MCC: variants seen among roughly 807,000 people sequenced by gnomAD.
MCC encodes MCC regulator of Wnt signaling pathway.
Under a neutral mutation model 116.2 loss-of-function variants are expected in MCC, and 90 were observed. The observed-to-expected ratio is 0.77, with a 90% CI of 0.65 to 0.92. The LOEUF is 0.92. Among genes scored for constraint, MCC ranks in the 40% least tolerant of loss-of-function variants. MCC has a pLI of 0.00. For synonymous variants in MCC, 578 were observed against 510.5 expected (o/e 1.13, Z -1.78); for missense variants, 1,516 against 1,312.2 (o/e 1.16, Z -2.40).
In MCC at chr5:113,399,252, G is replaced by A. The variant is rs186930475; in HGVS notation, c.171-14040C>T. On this transcript the variant is annotated intron_variant, in intron 1 of 18. Coordinates refer to ENST00000408903, the MANE Select transcript of MCC (RefSeq NM_001085377.2). ...TGTAATCCCAGCACTTTGGGAGGCC[G>A]AGGCAGGCGGATCACGAGATCAGGA... is the stretch of plus-strand genomic sequence containing the variant. 5.3e-5 allele frequency among the ~76,000 whole-genome samples: 8 copies of A among 152,316 alleles called. No individual in the cohort carries two copies. The East Asian group carries it at 1.4e-3, about 26-fold the overall frequency.
Position 113,104,185 on chromosome 5 carries a change from G to C in MCC, c.1191+7C>G, listed in dbSNP as rs779482320. 1.2e-6 allele frequency: 2 copies of C among 1,603,228 alleles called. No homozygotes were observed. The highest frequency in any genetic ancestry group is 2.2e-5 in the South Asian group (2 of 89,820). On this transcript the variant is annotated splice_region_variant and intron_variant, in intron 7 of 18. Transcript: ENST00000408903. ...AAAGGGCCTCACAGAGGGTGAGGAAGGTCTACCTTAATAGCCAGGTCACAG... is the reference window on the plus strand; with the variant it reads ...AAAGGGCCTCACAGAGGGTGAGGAACGTCTACCTTAATAGCCAGGTCACAG...
intron 17 of MCC, among the ~76,000 whole-genome samples, chr5:113,030,283 C>G (rs1476762329): frequency 1.3e-5 from 2 of 152,150 alleles, no homozygotes; most frequent in Admixed American, 6.5e-5. Flanking sequence ...TTCACTTAGG[C>G]ATTGGTTACA....
intron 9 of MCC, 82 bp from the exon 10 acceptor site, chr5:113,084,272 ACTTTT>A: frequency 9.4e-7 from 1 of 1,063,846 alleles, no homozygotes; most frequent in Non-Finnish European, 1.4e-6. Context: ...ATACAGGGCT[ACTTTT>A]TAGCCATGTC....
At chr5:113,393,485 C>T (rs538599030) in intron 1 of MCC, among the ~76,000 whole-genome samples, 46 of 152,082 alleles carry the variant, frequency 3.0e-4, no homozygotes, top group Admixed American at 7.2e-4. Flanking sequence ...TTTTGTTCAT[C>T]CTTACAGACT....
At chr5:113,077,413 A>C (rs539428135) in intron 11 of MCC, among the ~76,000 whole-genome samples, 4 of 152,284 alleles carry the variant, frequency 2.6e-5, no homozygotes, top group African/African-American at 9.6e-5. Context: ...GAAGGAAAGC[A>C]CTCCTCAGCA....
chr5:113,059,494 G>C (rs1209057531), intron 14 of MCC, among the ~76,000 whole-genome samples: 2 of 152,208 alleles, frequency 1.3e-5, no homozygotes, highest in Non-Finnish European at 2.9e-5. Context: ...AATTCTCCCA[G>C]CTTGGAATGC....
intron 3 of MCC, among the ~76,000 whole-genome samples, chr5:113,169,844 G>C (rs888140617): frequency 2.0e-5 from 3 of 152,174 alleles, no homozygotes; most frequent in Non-Finnish European, 2.9e-5. Flanking sequence ...TTTAATAGTA[G>C]CTATTCAGGC....
At chr5:113,116,130 G>A (rs1195529667) in intron 6 of MCC, among the ~76,000 whole-genome samples, 1 of 152,146 alleles carries the variant, frequency 6.6e-6, no homozygotes, top group African/African-American at 2.4e-5. Flanking sequence ...TAGATAGGCT[G>A]TCTCCTGCCC....
intron 5 of MCC, among the ~76,000 whole-genome samples, chr5:113,132,970 G>A (rs1485567249): frequency 6.6e-6 from 1 of 152,084 alleles, no homozygotes; most frequent in Non-Finnish European, 1.5e-5. Context: ...AACTAGCAGA[G>A]CTCAAAGTTG....
intron 5 of MCC, among the ~76,000 whole-genome samples, chr5:113,139,064 T>C (rs1759021880): frequency 6.6e-6 from 1 of 152,256 alleles, no homozygotes; most frequent in South Asian, 2.1e-4. Context: ...TCTAGAGATC[T>C]CAAGCTTAGC....
At chr5:113,117,204 G>A (rs986911795) in intron 6 of MCC, among the ~76,000 whole-genome samples, 2 of 152,196 alleles carry the variant, frequency 1.3e-5, no homozygotes, top group Non-Finnish European at 2.9e-5. Flanking sequence ...CTCACTCTGA[G>A]TGGCTGCTTG....
intron 6 of MCC, among the ~76,000 whole-genome samples, chr5:113,114,408 T>C (rs1480336159): frequency 1.3e-5 from 2 of 152,172 alleles, no homozygotes; most frequent in African/African-American, 4.8e-5. Context: ...GATCACCAAG[T>C]ACACAGGCAC....
chr5:113,299,103 A>T (rs1766785445), intron 3 of MCC, among the ~76,000 whole-genome samples: 2 of 151,894 alleles, frequency 1.3e-5, no homozygotes, highest in Admixed American at 1.3e-4. Flanking sequence ...CCTGACCAAC[A>T]TGGTGAAACC....
chr5:113,331,315 T>G (rs1167593707), intron 3 of MCC, among the ~76,000 whole-genome samples: 1 of 151,460 alleles, frequency 6.6e-6, no homozygotes, highest in African/African-American at 2.4e-5. Context: ...AGCAGAAGAG[T>G]GACTCAGCGT....
intron 3 of MCC, among the ~76,000 whole-genome samples, chr5:113,170,011 C>T (rs1020686489): frequency 1.3e-5 from 2 of 152,116 alleles, no homozygotes; most frequent in African/African-American, 2.4e-5. Flanking sequence ...TACATGATAC[C>T]TCAGCTACAG....
At chr5:113,125,660 G>A (rs1206367675) in intron 5 of MCC, among the ~76,000 whole-genome samples, 1 of 152,136 alleles carries the variant, frequency 6.6e-6, no homozygotes, top group Non-Finnish European at 1.5e-5. Context: ...TGCATCAGGA[G>A]TATTGTTCCA....
At chr5:113,051,422 CA>C (rs1400376474) in intron 15 of MCC, among the ~76,000 whole-genome samples, 1 of 152,206 alleles carries the variant, frequency 6.6e-6, no homozygotes, top group African/African-American at 2.4e-5. Context: ...ATAAGATGTT[CA>C]AAAAGGAAGA....
intron 3 of MCC, among the ~76,000 whole-genome samples, chr5:113,327,662 C>T (rs1399819466): frequency 1.3e-5 from 2 of 148,304 alleles, no homozygotes; most frequent in African/African-American, 5.0e-5. Flanking sequence ...AGATTCATCA[C>T]TAAGTTCCAA....
In MCC at chr5:113,022,752, TTGCTTTGTTC is replaced by T. The variant is rs1750234960; in HGVS notation, c.*4540_*4549del. On this transcript the variant is annotated 3_prime_UTR_variant, in exon 19 of 19. Coordinates refer to ENST00000408903, the MANE Select transcript of MCC (RefSeq NM_001085377.2). ...AATGTGGGGGAAATTTGTGTATAAC[TTGCTTTGTTC>T]TGCTGAGCTGATATTTCACCTGATT... is the stretch of plus-strand genomic sequence containing the variant. 6.6e-6 allele frequency: 1 copy of T among 152,214 alleles called. No homozygotes were observed. Among genetic ancestry groups the T allele is most frequent in the African/African-American group, 2.4e-5 (1 of 41,454 alleles). 9.4% of individuals were successfully genotyped at this position (152,214 alleles called of 1,614,324 possible).
Sources: gnomAD v4.1 joint callset for allele counts (sites outside exome capture counted in the v4.1 genomes callset) on GRCh38, gnomAD v4.1.1 for gene constraint, MANE v1.5 for transcripts, NCBI Gene and HGNC (gene_info 2026-07-23, HGNC 2026-07-21) for gene names.